CSPG5: variants seen among roughly 807,000 people sequenced by gnomAD.
The protein encoded by CSPG5 is acidic leucine-rich EGF-like domain-containing brain protein.
CSPG5 carries 25 observed loss-of-function variants against 39.8 expected under a neutral mutation model. The observed-to-expected ratio is 0.63, with a 90% CI of 0.46 to 0.88. CSPG5 has a LOEUF of 0.88. Ranked by LOEUF, CSPG5 falls within the 40% of genes least tolerant of loss-of-function variation. CSPG5 has a pLI of 0.00. For synonymous variants in CSPG5, 295 were observed against 303.9 expected (o/e 0.97, Z 0.31); for missense variants, 627 against 702.2 (o/e 0.89, Z 1.21).
rs773353337 is a variant in CSPG5, at chr3:47,572,898, C to T, written c.1194-24G>A. ...ACCTGCAGCAGCGACATTGAGAAAC[C>T]GTGGCGATGGAGCAGGCAGCCACGG... On this transcript the variant is annotated intron_variant, in intron 2 of 4. Transcript: ENST00000264723. This position sits in a 1 kb window ranked among gnomAD's most constrained non-coding sequence, Gnocchi z 4.5. 27 of 1,595,982 alleles carry T rather than the reference C, an allele frequency of 1.7e-5. No homozygotes were observed. Among genetic ancestry groups the T allele is most frequent in the Non-Finnish European group, 2.2e-5 (26 of 1,167,904 alleles).
intron 2 of CSPG5, among the ~76,000 whole-genome samples, chr3:47,574,235 C>G (rs1253135066): frequency 6.6e-6 from 1 of 152,144 alleles, no homozygotes; most frequent in African/African-American, 2.4e-5. Context: ...TATTCTTCCA[C>G]TTGGGAATTT....
chr3:47,575,400 C>G (rs2031678745), intron 2 of CSPG5, among the ~76,000 whole-genome samples: 1 of 152,206 alleles, frequency 6.6e-6, no homozygotes, highest in South Asian at 2.1e-4. Context: ...CCTGATCACC[C>G]CACCCTGGGA....
intron 4 of CSPG5, among the ~76,000 whole-genome samples, chr3:47,565,466 G>A (rs1316580728): frequency 6.6e-6 from 1 of 152,076 alleles, no homozygotes; most frequent in East Asian, 1.9e-4. Context: ...TCATCACAAG[G>A]GAGCTGGATC....
At position 47,572,792 on chromosome 3, in the gene CSPG5, C is replaced by T. The variant is rs760452015; in HGVS notation, c.1276G>A (p.Val426Met). 47 of 1,614,016 alleles carry T rather than the reference C, an allele frequency of 2.9e-5. No individual in the cohort carries two copies. Among genetic ancestry groups the T allele is most frequent in the Middle Eastern group, 1.6e-4 (1 of 6,084 alleles). Residue 426 changes from valine to methionine, a missense_variant, in exon 3 of 5, where the codon GTG becomes ATG. Physicochemically the swap from Val to Met is conservative, Grantham distance 21. Coordinates refer to ENST00000264723, the MANE Select transcript of CSPG5 (RefSeq NM_006574.4). This position sits in a 1 kb window ranked among gnomAD's most constrained non-coding sequence, Gnocchi z 4.5. ...ITDFQVMCVA[V>M]GSAALVLLLL... ...AGCAGGACGAGGGCAGCCGAGCCCA[C>T]GGCCACGCACATCACCTGGAAGTCG... is the stretch of plus-strand genomic sequence containing the variant.
At chr3:47,569,254 A>G (rs1408086966) in intron 3 of CSPG5, 27 bp from the exon 4 acceptor site, 1 of 1,607,798 alleles carries the variant, frequency 6.2e-7, no homozygotes, top group African/African-American at 1.3e-5. Context: ...AGTGAAGGAA[A>G]CATGTAAGTG....
intron 3 of CSPG5, among the ~76,000 whole-genome samples, chr3:47,569,750 CTTT>C (rs145182794): frequency 2.4e-4 from 33 of 134,760 alleles, no homozygotes; most frequent in Middle Eastern, 3.4e-3. Flanking sequence ...CTATTCTTTT[CTTT>C]TTTTTTTTTT....
In CSPG5 at chr3:47,578,555, G is replaced by T; in HGVS notation, c.97+42C>A. ...GCCAGCGGGACCCCTGCCCTGGGTG[G>T]GGCACGAGGGCCGCGGGGGTCCCGG... is the stretch of plus-strand genomic sequence containing the variant. On this transcript the variant is annotated intron_variant, in intron 1 of 4. Transcript: ENST00000264723. This position sits in a 1 kb window ranked among gnomAD's most constrained non-coding sequence, Gnocchi z 6.0. 1 of 722,684 alleles carries T rather than the reference G, an allele frequency of 1.4e-6. No homozygotes were observed. The highest frequency in any genetic ancestry group is 1.8e-6 in the Non-Finnish European group (1 of 547,182). The allele number at this position is 722,684 out of a possible 1,614,324, so 44.8% of individuals were successfully genotyped here. A position where few individuals can be genotyped will look rare whatever the true frequency, so the allele number is the denominator to read the frequency against.
upstream of CSPG5, chr3:47,580,026 C>T (rs1473893926): frequency 6.6e-6 from 1 of 152,220 alleles, no homozygotes; most frequent in Non-Finnish European, 1.5e-5. Context: ...TGATACATAT[C>T]TCCAGATGGA....
chr3:47,578,345 G>GCCCCGCCCCCGGC lies in CSPG5; in HGVS notation c.97+251_97+252insGCCGGGGGCGGGG, dbSNP rs2031857946. ...CGGCCCCGCCCCGGCCCCGCCCCCG[G>GCCCCGCCCCCGGC]CCCCGCCCCCAGTCCGCACCGCGGC... On this transcript the variant is annotated intron_variant, in intron 1 of 4. Coordinates refer to ENST00000264723, the MANE Select transcript of CSPG5 (RefSeq NM_006574.4). The surrounding 1 kb of genome is among the most constrained non-coding windows in gnomAD (Gnocchi z 6.0). Among the ~76,000 whole-genome samples the GCCCCGCCCCCGGC allele has an allele frequency of 1.1e-5, 1 of 95,146 alleles. No individual in the cohort carries two copies. Among genetic ancestry groups the GCCCCGCCCCCGGC allele is most frequent in the South Asian group, 3.8e-4 (1 of 2,622 alleles). 62.4% of individuals were successfully genotyped at this position (95,146 alleles called of 152,430 possible).
In CSPG5 at chr3:47,572,863, T is replaced by G. The variant is rs2031577131; in HGVS notation, c.1205A>C (p.Gln402Pro). Reference protein sequence around the residue: ...NIGAFCRCNTQDYIWHKGMRC... With the variant: ...NIGAFCRCNTPDYIWHKGMRC... ...CATCCCCTTGTGCCAGATGTAGTCC[T>G]GCGTGTTGCACCTGCAGCAGCGACA... The change falls in exon 3 of 5, where the codon CAG becomes CCG. Residue 402 changes from glutamine (Q) to proline (P), a missense_variant. Physicochemically the swap from Gln to Pro is moderately conservative, Grantham distance 76. Transcript: ENST00000264723. This position sits in a 1 kb window ranked among gnomAD's most constrained non-coding sequence, Gnocchi z 4.5. The G allele has an allele frequency of 6.2e-7, 1 of 1,608,430 alleles. No individual in the cohort carries two copies.
In CSPG5 at chr3:47,578,432, C is replaced by T. The variant is rs1195435924; in HGVS notation, c.97+165G>A. Among the ~76,000 whole-genome samples, 4 of 150,580 alleles carry T rather than the reference C, an allele frequency of 2.7e-5. No individual in the cohort carries two copies. The highest frequency in any genetic ancestry group is 9.7e-5 in the African/African-American group (4 of 41,152). Reference sequence around the variant, plus strand: ...GGCCCCCACGCGGGTCGGCCTTTCCCGGACCCCCACCACCTCCTGGGACCA... The same window carrying T: ...GGCCCCCACGCGGGTCGGCCTTTCCTGGACCCCCACCACCTCCTGGGACCA... On this transcript the variant is annotated intron_variant, in intron 1 of 4. Coordinates refer to ENST00000264723, the MANE Select transcript of CSPG5 (RefSeq NM_006574.4). This position sits in a 1 kb window ranked among gnomAD's most constrained non-coding sequence, Gnocchi z 6.0.
chr3:47,567,729 AGG>A (rs2031366026), intron 4 of CSPG5, among the ~76,000 whole-genome samples: 2 of 152,222 alleles, frequency 1.3e-5, no homozygotes, highest in South Asian at 4.1e-4. Flanking sequence ...AAAAGGAAGA[AGG>A]CCAGGCATGG....
At chr3:47,574,100 T>G (rs953966994) in intron 2 of CSPG5, among the ~76,000 whole-genome samples, 4 of 152,132 alleles carry the variant, frequency 2.6e-5, no homozygotes, top group Non-Finnish European at 5.9e-5. Flanking sequence ...GGCCCGAATG[T>G]GATCCTGGGA....
At position 47,578,654 on chromosome 3, in the gene CSPG5, G is replaced by A; in HGVS notation, c.40C>T (p.Pro14Ser). The A allele has an allele frequency of 1.8e-6, 2 of 1,126,472 alleles. No individual in the cohort carries two copies. The highest frequency in any genetic ancestry group is 1.1e-6 in the Non-Finnish European group (1 of 917,714). 69.8% of individuals were successfully genotyped at this position (1,126,472 alleles called of 1,614,324 possible). Reference sequence around the variant, plus strand: ...GCCCCCAGAAACAGCAGCAGTGGCGGCGGCCCCCGGCCCGGGCCCCCGCCC... The same window carrying A: ...GCCCCCAGAAACAGCAGCAGTGGCGACGGCCCCCGGCCCGGGCCCCCGCCC... ...AGGGGPGRGP[P>S]PLLLFLGAAL... Residue 14 changes from proline to serine, a missense_variant, in exon 1 of 5, where the codon CCG (proline) becomes TCG (serine). Physicochemically the swap from Pro to Ser is moderately conservative, Grantham distance 74. Transcript: ENST00000264723. This position sits in a 1 kb window ranked among gnomAD's most constrained non-coding sequence, Gnocchi z 6.0.
At chr3:47,566,897 C>T (rs578118435) in intron 4 of CSPG5, among the ~76,000 whole-genome samples, 20 of 152,128 alleles carry the variant, frequency 1.3e-4, no homozygotes, top group Non-Finnish European at 2.4e-4. Context: ...AACCACACAC[C>T]GTGGCCGACC....
chr3:47,573,684 A>T (rs1224546791), intron 2 of CSPG5, among the ~76,000 whole-genome samples: 4 of 152,186 alleles, frequency 2.6e-5, no homozygotes, highest in African/African-American at 9.6e-5. Flanking sequence ...CAAAGGAGGG[A>T]GGACATGAAC....
At chr3:47,563,818 T>C (rs2031186828) in intron 4 of CSPG5, among the ~76,000 whole-genome samples, 1 of 152,156 alleles carries the variant, frequency 6.6e-6, no homozygotes, top group Non-Finnish European at 1.5e-5. Context: ...CCTCCCAAAG[T>C]GCTGGGATTA....
chr3:47,564,002 C>T (rs1193345937), intron 4 of CSPG5, among the ~76,000 whole-genome samples: 1 of 152,188 alleles, frequency 6.6e-6, no homozygotes, highest in Non-Finnish European at 1.5e-5. Flanking sequence ...CAGTGCAATT[C>T]AGTGGGCCTC....
At chr3:47,562,902 A>G (rs1202659842) in intron 4 of CSPG5, 141 bp from the exon 5 acceptor site, 1 of 887,964 alleles carries the variant, frequency 1.1e-6, no homozygotes, top group African/African-American at 1.7e-5. Context: ...AAAAGGAACC[A>G]AAGTAACTCA....
Sources: gnomAD v4.1 joint callset for allele counts (sites outside exome capture counted in the v4.1 genomes callset) on GRCh38, gnomAD v4.1.1 for gene constraint, Gnocchi (gnomAD v3.1) non-coding constraint, MANE v1.5 for transcripts, NCBI Gene and HGNC (gene_info 2026-07-23, HGNC 2026-07-21) for gene names.